Variants in DYNC1I1 observed in about 807,000 individuals in gnomAD.
The protein encoded by DYNC1I1 is dynein cytoplasmic 1 intermediate chain 1.
Under a neutral mutation model 86.6 loss-of-function variants are expected in DYNC1I1, and 43 were observed. The ratio of observed to expected loss-of-function variants is 0.50; its 90% CI spans 0.39 to 0.64. DYNC1I1 has a LOEUF of 0.64. Ranked by LOEUF, DYNC1I1 falls within the 30% of genes least tolerant of loss-of-function variation. The pLI is 0.00. For missense variants in DYNC1I1, 604 were observed against 788.8 expected, an observed-to-expected ratio of 0.77 and a Z score of 2.81; for synonymous variants, 262 against 283.7, an observed-to-expected ratio of 0.92 and a Z score of 0.77.
intron 6 of DYNC1I1, among the ~76,000 whole-genome samples, chr7:95,945,973 A>G (rs1390629829): frequency 6.6e-6 from 1 of 152,220 alleles, no homozygotes; most frequent in African/African-American, 2.4e-5. Flanking sequence ...CTATGCAGCC[A>G]TAAAAGGAAC....
intron 14 of DYNC1I1, among the ~76,000 whole-genome samples, chr7:96,064,692 G>A (rs1323190750): frequency 2.0e-5 from 3 of 152,092 alleles, no homozygotes; most frequent in Non-Finnish European, 4.4e-5. Flanking sequence ...TTGGTCCTGG[G>A]GAGTCTAGGA....
At chr7:96,054,558 C>T (rs36200703) in intron 14 of DYNC1I1, among the ~76,000 whole-genome samples, 39,259 of 152,072 alleles carry the variant, frequency 0.26, 5,528 homozygotes, top group African/African-American at 0.37. Context: ...GAGGAATTGC[C>T]GCACTGTCTT....
At chr7:95,822,934 G>A (rs1254646981) in intron 4 of DYNC1I1, among the ~76,000 whole-genome samples, 1 of 152,178 alleles carries the variant, frequency 6.6e-6, no homozygotes, top group Non-Finnish European at 1.5e-5. Context: ...TGGTCTTGGG[G>A]AAAGATAAGG....
chr7:96,047,572 G>A (rs1026007095), intron 14 of DYNC1I1, among the ~76,000 whole-genome samples: 2 of 152,186 alleles, frequency 1.3e-5, no homozygotes, highest in African/African-American at 4.8e-5. Flanking sequence ...AACACTTTTA[G>A]TGGAGCACTG....
intron 9 of DYNC1I1, 88 bp from the exon 10 acceptor site, chr7:95,995,860 G>A: frequency 6.6e-7 from 1 of 1,514,864 alleles, no homozygotes; most frequent in Non-Finnish European, 8.9e-7. Flanking sequence ...TTTACACTGT[G>A]TAGTATACCA....
At chr7:95,774,964 T>A (rs536322735) in intron 1 of DYNC1I1, among the ~76,000 whole-genome samples, 2 of 152,230 alleles carry the variant, frequency 1.3e-5, no homozygotes, top group South Asian at 2.1e-4. Context: ...AACAAATATA[T>A]TCCTTCATTA....
intron 12 of DYNC1I1, 37 bp downstream of exon 12, chr7:96,032,817 G>A: frequency 2.0e-6 from 3 of 1,530,738 alleles, no homozygotes; most frequent in South Asian, 2.3e-5. Context: ...CACCATCCTG[G>A]TTAAAAGAGA....
intron 7 of DYNC1I1, 65 bp downstream of exon 7, chr7:95,977,666 T>C (rs1248903657): frequency 1.4e-6 from 2 of 1,468,810 alleles, no homozygotes; most frequent in African/African-American, 2.8e-5. Flanking sequence ...TTTACTAATA[T>C]AAGAGACTAT....
chr7:95,794,076 C>T (rs770234793), intron 1 of DYNC1I1, among the ~76,000 whole-genome samples: 25 of 152,150 alleles, frequency 1.6e-4, no homozygotes, highest in Non-Finnish European at 3.1e-4. Context: ...CCTAAGTATA[C>T]GATTTATCTT....
chr7:95,790,756 A>G (rs988369629), intron 1 of DYNC1I1, among the ~76,000 whole-genome samples: 2 of 152,210 alleles, frequency 1.3e-5, no homozygotes, highest in Non-Finnish European at 2.9e-5. Context: ...AAACACAACT[A>G]CAGGCTTATG....
chr7:95,823,530 T>TA (rs1795128305), intron 4 of DYNC1I1, among the ~76,000 whole-genome samples: 1 of 152,172 alleles, frequency 6.6e-6, no homozygotes, highest in African/African-American at 2.4e-5. Flanking sequence ...TAGGCATAAA[T>TA]ATTCATATGT....
At chr7:95,842,565 C>G (rs1789316063) in intron 5 of DYNC1I1, among the ~76,000 whole-genome samples, 1 of 151,992 alleles carries the variant, frequency 6.6e-6, no homozygotes, top group African/African-American at 2.4e-5. Flanking sequence ...CAAGTTAAGT[C>G]CTTGAGGAAG....
intron 6 of DYNC1I1, among the ~76,000 whole-genome samples, chr7:95,946,566 A>G (rs11984125): frequency 0.025 from 3,731 of 152,272 alleles, 155 homozygotes; most frequent in African/African-American, 0.085. Context: ...CATGTAAGCA[A>G]TAGTCACCTA....
rs147547424 is a variant in DYNC1I1, at chr7:96,061,712, T to TCACACACA, written c.1510-14329_1510-14322dup. ...CTCCCTCCCTCTCTCTCTCTCTCTC[T>TCACACACA]CACACACACACACACACACACACGC... On this transcript the variant is annotated intron_variant, in intron 14 of 16. Coordinates refer to ENST00000447467, the MANE Select transcript of DYNC1I1 (RefSeq NM_001135556.2). 6.0e-3 allele frequency among the ~76,000 whole-genome samples: 818 copies of TCACACACA among 136,902 alleles called. 9 individuals carry two copies. Among genetic ancestry groups the TCACACACA allele is most frequent in the African/African-American group, 0.015 (549 of 35,940 alleles). 89.8% of individuals were successfully genotyped at this position (136,902 alleles called of 152,430 possible).
intron 6 of DYNC1I1, among the ~76,000 whole-genome samples, chr7:95,872,736 A>G (rs915379220): frequency 6.6e-6 from 1 of 152,104 alleles, no homozygotes; most frequent in Non-Finnish European, 1.5e-5. Flanking sequence ...AAGAATGGCC[A>G]ACACTGACTT....
At chr7:96,028,350 G>T (rs778373700) in intron 11 of DYNC1I1, 29 bp downstream of exon 11, 5 of 1,574,162 alleles carry the variant, frequency 3.2e-6, no homozygotes, top group Non-Finnish European at 4.3e-6. Context: ...ATATCCCTGT[G>T]AGCCGCCAGG....
At chr7:95,994,937 T>TGA (rs1584235352) in intron 9 of DYNC1I1, among the ~76,000 whole-genome samples, 1 of 151,174 alleles carries the variant, frequency 6.6e-6, no homozygotes, top group South Asian at 2.1e-4. Flanking sequence ...TGTGTGGGAG[T>TGA]GAGAGAGAGA....
At chr7:96,059,608 C>CA (rs563911124) in intron 14 of DYNC1I1, among the ~76,000 whole-genome samples, 21 of 148,994 alleles carry the variant, frequency 1.4e-4, no homozygotes, top group South Asian at 2.1e-4. Flanking sequence ...ATGAATGTTG[C>CA]AAAAAAAAAT....
intron 4 of DYNC1I1, 56 bp downstream of exon 4, chr7:95,813,393 A>AG (rs397780960): frequency 9.3e-6 from 14 of 1,512,482 alleles, no homozygotes; most frequent in Non-Finnish European, 1.1e-5. Flanking sequence ...AAAAAAAAAA[A>AG]CAGCAACAAC....
Sources: gnomAD v4.1 joint callset for allele counts (sites outside exome capture counted in the v4.1 genomes callset) on GRCh38, gnomAD v4.1.1 for gene constraint, MANE v1.5 for transcripts, NCBI Gene and HGNC (gene_info 2026-07-23, HGNC 2026-07-21) for gene names.